Variants in OSBPL7 observed in about 807,000 individuals in gnomAD.
The protein encoded by OSBPL7 is oxysterol binding protein like 7.
In OSBPL7, 66 loss-of-function variants were observed where a neutral mutation model predicts 115.8. That is an observed-to-expected ratio of 0.57 (90% CI 0.47 to 0.70). OSBPL7 has a LOEUF of 0.70. Among genes scored for constraint, OSBPL7 ranks in the 30% least tolerant of loss-of-function variants. The pLI, the probability that OSBPL7 is intolerant of heterozygous loss-of-function variation, is 0.00. For synonymous variants in OSBPL7, 441 were observed against 439.2 expected, an observed-to-expected ratio of 1.00 and a Z score of -0.05; for missense variants, 902 against 1,125.5, an observed-to-expected ratio of 0.80 and a Z score of 2.84.
intron 16 of OSBPL7, among the ~76,000 whole-genome samples, chr17:47,811,091 C>A (rs2033027022): frequency 6.6e-6 from 1 of 152,110 alleles, no homozygotes; most frequent in Non-Finnish European, 1.5e-5. Flanking sequence ...CCTCCAGAAC[C>A]CCTGCTCAAG....
intron 2 of OSBPL7, 45 bp from the exon 3 acceptor site, chr17:47,820,141 C>A (rs2033353601): frequency 6.2e-7 from 1 of 1,613,440 alleles, no homozygotes. Context: ...GAGACGTCCG[C>A]CTTGGCCCCT....
At chr17:47,811,336 C>T (rs2033035324) in intron 16 of OSBPL7, among the ~76,000 whole-genome samples, 1 of 152,132 alleles carries the variant, frequency 6.6e-6, no homozygotes, top group African/African-American at 2.4e-5. Context: ...GCCTGCCTTG[C>T]CTCTCTCTCC....
At chr17:47,821,252 C>T (rs930079701) in intron 1 of OSBPL7, among the ~76,000 whole-genome samples, 1 of 152,022 alleles carries the variant, frequency 6.6e-6, no homozygotes, top group Non-Finnish European at 1.5e-5. Flanking sequence ...AGGGGCGAGG[C>T]TGGTTTGAGG....
chr17:47,816,033 G>T lies in OSBPL7; in HGVS notation c.1119+74C>A, dbSNP rs2033202844. The T allele has an allele frequency of 2.2e-6, 3 of 1,382,960 alleles. No homozygotes were observed. The highest frequency in any genetic ancestry group is 1.5e-5 in the African/African-American group (1 of 68,872). 85.7% of individuals were successfully genotyped at this position (1,382,960 alleles called of 1,614,324 possible). On this transcript the variant is annotated intron_variant, in intron 12 of 22. Coordinates refer to ENST00000007414, the MANE Select transcript of OSBPL7 (RefSeq NM_145798.3). The surrounding 1 kb of genome is among the most constrained non-coding windows in gnomAD (Gnocchi z 5.8). ...GGACTAAAAACCAACTTTGCCCACT[G>T]CCCTGGGCCTTGGCTTTCGCTGGGA...
At chr17:47,812,804 C>T (rs2033085084) in intron 16 of OSBPL7, among the ~76,000 whole-genome samples, 1 of 152,222 alleles carries the variant, frequency 6.6e-6, no homozygotes, top group African/African-American at 2.4e-5. Flanking sequence ...ACTCCACTGC[C>T]TCAAATCCTC....
At chr17:47,819,286 A>C in intron 4 of OSBPL7, 187 bp from the exon 5 acceptor site, 2 of 589,758 alleles carry the variant, frequency 3.4e-6, no homozygotes, top group Non-Finnish European at 3.0e-6. Flanking sequence ...CCCCTACGTC[A>C]AGTCACATCT....
intron 14 of OSBPL7, among the ~76,000 whole-genome samples, 194 bp downstream of exon 14, chr17:47,814,327 C>T (rs1303897747): frequency 6.6e-6 from 1 of 152,220 alleles, no homozygotes; most frequent in East Asian, 1.9e-4. Flanking sequence ...TGAGCCTGGC[C>T]CACCCCAGCA....
intron 16 of OSBPL7, among the ~76,000 whole-genome samples, chr17:47,812,346 G>T (rs16948424): frequency 0.099 from 15,095 of 152,172 alleles, 981 homozygotes; most frequent in South Asian, 0.22. Context: ...CCTCCCGAGG[G>T]CAGTCCTCCC....
In OSBPL7 at chr17:47,818,580, G is replaced by A. The variant is rs1265992473; in HGVS notation, c.406C>T (p.Gln136Ter). ...SQDLFQSWVA[Q>*]LRAHRLAHRL... ...TGGGCTAGGCGGTGGGCACGCAGCTGCGCCACCCAGCTCTGGAATAGGTCC... is the reference window on the plus strand; with the variant it reads ...TGGGCTAGGCGGTGGGCACGCAGCTACGCCACCCAGCTCTGGAATAGGTCC... Residue 136 changes from glutamine (Q) to a stop codon, truncating the protein, a stop_gained, in exon 6 of 23, where the codon CAG becomes TAG. Transcript: ENST00000007414. LOFTEE classifies it high-confidence loss of function. 1 of 1,613,094 alleles carries A rather than the reference G, an allele frequency of 6.2e-7. No individual in the cohort carries two copies. The highest frequency in any genetic ancestry group is 1.1e-5 in the South Asian group (1 of 90,938).
Position 47,813,963 on chromosome 17 carries a change from C to T in OSBPL7, c.1352-129G>A, listed in dbSNP as rs2033133243. ...GACATTCGCCCCTGAGCCCTTGTCT[C>T]GACTCACAGCAGGGCAGGGTGACTG... is the stretch of plus-strand genomic sequence containing the variant. On this transcript the variant is annotated intron_variant, in intron 14 of 22. Transcript: ENST00000007414. The T allele has an allele frequency of 9.6e-6, 12 of 1,256,070 alleles. No individual in the cohort carries two copies. In the East Asian group the frequency reaches 1.3e-4, roughly 13 times the overall value. The allele number at this position is 1,256,070 out of a possible 1,614,324, so 77.8% of individuals were successfully genotyped here.
At chr17:47,818,889 C>T (rs762573427) in intron 5 of OSBPL7, 97 bp downstream of exon 5, 10 of 1,112,684 alleles carry the variant, frequency 9.0e-6, no homozygotes, top group Admixed American at 1.9e-5. Flanking sequence ...CAGAGACAGA[C>T]CCTGAGTTCC....
At chr17:47,819,849 C>T in intron 3 of OSBPL7, 67 bp from the exon 4 acceptor site, 1 of 1,610,332 alleles carries the variant, frequency 6.2e-7, no homozygotes, top group Non-Finnish European at 8.5e-7. Flanking sequence ...GAGAAGGCAA[C>T]CACACAAATT....
rs1193289844 is a variant in OSBPL7, at chr17:47,814,600, C to T, written c.1272G>A (p.Glu424=). 6.2e-7 allele frequency: 1 copy of T among 1,613,990 alleles called. No homozygotes were observed. The highest frequency in any genetic ancestry group is 8.5e-7 in the Non-Finnish European group (1 of 1,179,968). The change falls in exon 14 of 23, where the codon GAG becomes GAA. Residue 424 remains glutamate, a synonymous_variant. Transcript: ENST00000007414. The stretch of plus-strand genomic sequence containing the variant: ...TGGTGATTTCACTGGTACAGGACTC[C>T]TCCTCCTCTGAGCCCTGGGCCAGGA... ...SSSENEGSEE[E]ESCTSEITTS...
In OSBPL7 at chr17:47,820,036, T is replaced by C. The variant is rs1349143727; in HGVS notation, c.136A>G (p.Met46Val). 6.2e-7 allele frequency: 1 copy of C among 1,610,118 alleles called. No individual in the cohort carries two copies. Among genetic ancestry groups the C allele is most frequent in the Non-Finnish European group, 8.5e-7 (1 of 1,179,068 alleles). Residue 46 changes from methionine (M) to valine (V), a missense_variant, in exon 3 of 23, where the codon ATG becomes GTG. This residue lies in a region of OSBPL7 where 667 missense variants were observed against 788.7 expected (regional missense o/e 0.85). Transcript: ENST00000007414. ...AGGTGACCTTCCTGCCTCTCAGGCA[T>C]GACACCCTCTGTCCCCAGCCTGACC... ...PRVRLGTEGV[M>V]PERQEGHLLK... is the part of the protein sequence containing the mutation.
chr17:47,813,232 A>G (rs201068843), intron 16 of OSBPL7, 34 bp downstream of exon 16: 6 of 1,611,316 alleles, frequency 3.7e-6, no homozygotes, highest in Non-Finnish European at 5.1e-6. Context: ...TGCCCCAGAC[A>G]CCCAAGGCCA....
At chr17:47,811,648 G>T (rs1431936004) in intron 16 of OSBPL7, among the ~76,000 whole-genome samples, 2 of 152,152 alleles carry the variant, frequency 1.3e-5, no homozygotes, top group African/African-American at 4.8e-5. Context: ...CAGGCCCTTC[G>T]AACCTCATTC....
At position 47,813,565 on chromosome 17, in the gene OSBPL7, C is replaced by T. The variant is rs189849266; in HGVS notation, c.1599+22G>A. 780 of 1,600,742 alleles carry T rather than the reference C, an allele frequency of 4.9e-4. 1 individual carries two copies. The highest frequency in any genetic ancestry group is 1.0e-3 in the Admixed American group (61 of 59,474). On this transcript the variant is annotated intron_variant, in intron 15 of 22. Transcript: ENST00000007414. ...GAGAAGGAAGCAGCCTTGGGCTGGG[C>T]GTGAGGACAGGAAGCAGGTACCATG...
chr17:47,807,927 TC>T lies in OSBPL7; in HGVS notation c.*363del. 1 of 263,770 alleles carries T rather than the reference TC, an allele frequency of 3.8e-6. No individual in the cohort carries two copies. The highest frequency in any genetic ancestry group is 5.8e-5 in the South Asian group (1 of 17,334). The allele number at this position is 263,770 out of a possible 1,614,324, so 16.3% of individuals were successfully genotyped here. On this transcript the variant is annotated 3_prime_UTR_variant, in exon 23 of 23. Coordinates refer to ENST00000007414, the MANE Select transcript of OSBPL7 (RefSeq NM_145798.3). ...CTGGGCACAGAAAGCCTGGGGAGCG[TC>T]AAGGAGTCCCCTGTGTCCTAGGAAG...
intron 18 of OSBPL7, among the ~76,000 whole-genome samples, chr17:47,810,265 T>G (rs976497397): frequency 2.0e-5 from 3 of 152,184 alleles, no homozygotes; most frequent in Admixed American, 2.0e-4. Flanking sequence ...TAGGTTTCTG[T>G]GTGTGTGTAT....
Sources: allele counts gnomAD v4.1 joint callset (sites outside exome capture counted in the v4.1 genomes callset), GRCh38; gene constraint gnomAD v4.1.1; regional missense constraint gnomAD v4.1.1; non-coding constraint Gnocchi (gnomAD v3.1); transcripts MANE v1.5; gene names NCBI Gene and HGNC (gene_info 2026-07-23, HGNC 2026-07-21).